THSD7B: variants seen among roughly 807,000 people sequenced by gnomAD.
The protein encoded by THSD7B is thrombospondin type-1 domain-containing protein 7B.
In THSD7B, 138 loss-of-function variants were observed where a neutral mutation model predicts 213.6. The ratio of observed to expected loss-of-function variants is 0.65; its 90% CI spans 0.56 to 0.74. The LOEUF (loss-of-function observed/expected upper bound fraction) is 0.74. Ranked by LOEUF, THSD7B falls within the 30% of genes least tolerant of loss-of-function variation. THSD7B has a pLI of 0.00. For missense variants in THSD7B, 1,931 were observed against 1,991.5 expected (o/e 0.97, Z 0.58); for synonymous variants, 742 against 687.0 (o/e 1.08, Z -1.25).
chr2:136,853,026 G>C (rs1318002627), intron 1 of THSD7B, among the ~76,000 whole-genome samples: 1 of 151,810 alleles, frequency 6.6e-6, no homozygotes, highest in Non-Finnish European at 1.5e-5. Flanking sequence ...CTTTGCATGT[G>C]TGTGTGTGTG....
Position 137,642,500 on chromosome 2 carries a change from G to T in THSD7B, c.3812G>T (p.Arg1271Leu). ...CTTATCATTTTAGGTCGAATGAGCC[G>T]GACTCGATTTATCATTATGCCAACC... ...QTCGHGGRMS[R>L]TRFIIMPTQG... The change falls in exon 21 of 28, where the codon CGG becomes CTG. Residue 1271 changes from arginine to leucine, a missense_variant. Transcript: ENST00000409968. The T allele has an allele frequency of 6.2e-7, 1 of 1,613,660 alleles. No individual in the cohort carries two copies. Among genetic ancestry groups the T allele is most frequent in the Admixed American group, 1.7e-5 (1 of 59,996 alleles).
chr2:137,363,899 C>A (rs952559714), intron 12 of THSD7B, among the ~76,000 whole-genome samples: 1 of 152,322 alleles, frequency 6.6e-6, no homozygotes, highest in Admixed American at 6.5e-5. Flanking sequence ...ATGAGGCCAA[C>A]ATCATCCTGA....
chr2:137,338,361 T>C (rs916586512), intron 12 of THSD7B, among the ~76,000 whole-genome samples: 8 of 151,972 alleles, frequency 5.3e-5, no homozygotes, highest in Non-Finnish European at 7.4e-5. Flanking sequence ...CCATAGTCTA[T>C]TGATCACAGT....
intron 1 of THSD7B, among the ~76,000 whole-genome samples, chr2:136,791,855 A>C (rs1681970273): frequency 6.6e-6 from 1 of 151,928 alleles, no homozygotes; most frequent in South Asian, 2.1e-4. Flanking sequence ...ACATTTATGT[A>C]GTGTTTGTGT....
chr2:137,139,999 A>G (rs1040732251), intron 5 of THSD7B, among the ~76,000 whole-genome samples: 3 of 152,274 alleles, frequency 2.0e-5, no homozygotes, highest in African/African-American at 7.2e-5. Flanking sequence ...ATAAAAATTT[A>G]TAGAGAGAAT....
intron 14 of THSD7B, among the ~76,000 whole-genome samples, chr2:137,432,158 G>A (rs917516165): frequency 3.3e-5 from 5 of 152,018 alleles, no homozygotes; most frequent in African/African-American, 9.7e-5. Context: ...TTTGGGAGGC[G>A]GAGGTGGGTG....
At chr2:136,774,546 C>A (rs1229313666) in intron 1 of THSD7B, among the ~76,000 whole-genome samples, 1 of 152,074 alleles carries the variant, frequency 6.6e-6, no homozygotes, top group Non-Finnish European at 1.5e-5. Flanking sequence ...GTGAGTGCAA[C>A]CTCTATTCAG....
chr2:137,442,026 AC>A (rs1443994969), intron 14 of THSD7B, among the ~76,000 whole-genome samples: 3 of 152,020 alleles, frequency 2.0e-5, no homozygotes, highest in Non-Finnish European at 4.4e-5. Context: ...ATATTTTTTG[AC>A]CCTCACAGCA....
At chr2:137,107,231 T>C (rs1688271549) in intron 4 of THSD7B, among the ~76,000 whole-genome samples, 1 of 152,182 alleles carries the variant, frequency 6.6e-6, no homozygotes. Context: ...GTTCATGTCC[T>C]TTGCAGGGAC....
At chr2:137,555,903 C>T (rs1680952028) in intron 15 of THSD7B, among the ~76,000 whole-genome samples, 2 of 152,142 alleles carry the variant, frequency 1.3e-5, no homozygotes, top group African/African-American at 2.4e-5. Context: ...AATGCACAAG[C>T]TTCAGTAGCC....
intron 15 of THSD7B, among the ~76,000 whole-genome samples, chr2:137,554,126 A>G (rs1680904035): frequency 6.6e-6 from 1 of 151,704 alleles, no homozygotes; most frequent in Non-Finnish European, 1.5e-5. Context: ...GAAAGAAAAG[A>G]TTTTTATTTT....
chr2:137,283,770 G>A (rs550739007), intron 12 of THSD7B, among the ~76,000 whole-genome samples: 319 of 152,208 alleles, frequency 2.1e-3, no homozygotes, highest in African/African-American at 7.2e-3. Flanking sequence ...TGGTGGATAA[G>A]CTTTTTGATG....
intron 2 of THSD7B, among the ~76,000 whole-genome samples, chr2:137,041,566 A>G (rs1224812778): frequency 6.6e-6 from 1 of 150,554 alleles, no homozygotes; most frequent in African/African-American, 2.4e-5. Context: ...TAACACATAT[A>G]TACTAACAAA....
At chr2:136,975,716 A>G (rs1390748266) in intron 2 of THSD7B, among the ~76,000 whole-genome samples, 1 of 152,140 alleles carries the variant, frequency 6.6e-6, no homozygotes, top group Non-Finnish European at 1.5e-5. Flanking sequence ...TTTCTAGTTC[A>G]GTGAAGAATG....
intron 6 of THSD7B, among the ~76,000 whole-genome samples, chr2:137,169,275 CTTTA>C (rs1169991166): frequency 7.0e-6 from 1 of 143,440 alleles, no homozygotes; most frequent in Non-Finnish European, 1.5e-5. Flanking sequence ...TTTTTAAGTG[CTTTA>C]TTTGAGGTTT....
chr2:137,422,979 A>G (rs577341670), intron 14 of THSD7B, among the ~76,000 whole-genome samples: 12 of 152,260 alleles, frequency 7.9e-5, no homozygotes, highest in African/African-American at 2.9e-4. Context: ...CTCAGAGAAT[A>G]AATTGTGGAC....
At position 136,916,518 on chromosome 2, in the gene THSD7B, A is replaced by C. The variant is rs1005033882; in HGVS notation, c.139+34201A>C. On this transcript the variant is annotated intron_variant, in intron 2 of 27. Transcript: ENST00000409968. Reference sequence around the variant, plus strand: ...GCATTAAGTTTAGAAATTCACTCAAAGTCACAAAGTTTGTGAGCAGTAGAA... The same window carrying C: ...GCATTAAGTTTAGAAATTCACTCAACGTCACAAAGTTTGTGAGCAGTAGAA... Among the ~76,000 whole-genome samples the C allele has an allele frequency of 7.9e-5, 12 of 152,210 alleles. No individual in the cohort carries two copies. In the South Asian group the frequency reaches 2.5e-3, roughly 32 times the overall value.
At chr2:137,382,415 GC>G (rs1230464870) in intron 12 of THSD7B, among the ~76,000 whole-genome samples, 1 of 152,252 alleles carries the variant, frequency 6.6e-6, no homozygotes, top group Non-Finnish European at 1.5e-5. Flanking sequence ...AGCAGGATGT[GC>G]ATGTGACAAC....
intron 5 of THSD7B, among the ~76,000 whole-genome samples, chr2:137,126,502 G>A (rs1688631306): frequency 1.5e-5 from 2 of 132,060 alleles, no homozygotes; most frequent in South Asian, 2.3e-4. Flanking sequence ...TCATAGAATT[G>A]AAGAGAGTTA....
Sources: gnomAD v4.1 joint callset for allele counts (sites outside exome capture counted in the v4.1 genomes callset) on GRCh38, gnomAD v4.1.1 for gene constraint, MANE v1.5 for transcripts, NCBI Gene and HGNC (gene_info 2026-07-23, HGNC 2026-07-21) for gene names.